The following DSCAML1 variants were observed in gnomAD, a reference collection of about 807,000 sequenced individuals.
DSCAML1 encodes DS cell adhesion molecule like 1, also known as cell adhesion molecule DSCAML1.
A neutral mutation model predicts 200.5 loss-of-function variants in DSCAML1; 38 were observed. That is an observed-to-expected ratio of 0.19 (90% CI 0.15 to 0.25). The LOEUF (loss-of-function observed/expected upper bound fraction) is 0.25, where lower values mean the gene tolerates loss of function less well. DSCAML1 is among the 10% of genes least tolerant of loss of function. The pLI is 1.00. For synonymous variants in DSCAML1, 1,215 were observed against 1,165.0 expected (o/e 1.04, Z -0.87); for missense variants, 2,223 against 2,858.8 (o/e 0.78, Z 5.07).
rs1380014236 is a variant in DSCAML1, at chr11:117,437,295, T to G, written c.4547A>C (p.Glu1516Ala). The stretch of plus-strand genomic sequence containing the variant: ...GGCCCAGGTCCCCTTGGGCCGGTAC[T>G]CCAGAACGATGGCTGTGATAGGGCA... ...GGCPITAIVL[E>A]YRPKGTWAWQ... The change falls in exon 26 of 33, where the codon GAG becomes GCG. Residue 1516 changes from glutamate (E) to alanine (A), a missense_variant. Physicochemically the swap from Glu to Ala is moderately radical, Grantham distance 107. Transcript: ENST00000651296. The surrounding 1 kb of genome is among the most constrained non-coding windows in gnomAD (Gnocchi z 5.3). The G allele has an allele frequency of 6.2e-7, 1 of 1,614,238 alleles. No individual in the cohort carries two copies. Among genetic ancestry groups the G allele is most frequent in the Non-Finnish European group, 8.5e-7 (1 of 1,180,032 alleles).
chr11:117,566,299 C>CCTTT (rs1278637328), intron 3 of DSCAML1, among the ~76,000 whole-genome samples: 1 of 151,848 alleles, frequency 6.6e-6, no homozygotes, highest in East Asian at 1.9e-4. Flanking sequence ...AACCCTACAT[C>CCTTT]CTTTCTTTTC....
chr11:117,755,370 G>C (rs1233710833), intron 3 of DSCAML1, among the ~76,000 whole-genome samples: 1 of 152,176 alleles, frequency 6.6e-6, no homozygotes, highest in Non-Finnish European at 1.5e-5. Flanking sequence ...CAGGCTCCTG[G>C]TTGAGGTGAG....
At chr11:117,707,465 C>T (rs1028484715) in intron 3 of DSCAML1, among the ~76,000 whole-genome samples, 2 of 152,218 alleles carry the variant, frequency 1.3e-5, no homozygotes, top group Non-Finnish European at 2.9e-5. Flanking sequence ...GCCCATTTAG[C>T]CCACCAGGCA....
chr11:117,577,826 C>A (rs1346103757), intron 3 of DSCAML1, among the ~76,000 whole-genome samples: 1 of 151,782 alleles, frequency 6.6e-6, no homozygotes, highest in African/African-American at 2.4e-5. Flanking sequence ...CTCGGTCTAC[C>A]AAAGTGCTGG....
In DSCAML1 at chr11:117,442,160, C is replaced by T. The variant is rs113710681; in HGVS notation, c.3862+1726G>A. ...GCATGTGTGTATGCGTGTGTATATG[C>T]GTATATGCATGTAGTGTGTATAGTG... is the stretch of plus-strand genomic sequence containing the variant. On this transcript the variant is annotated intron_variant, in intron 21 of 32. Transcript: ENST00000651296. Among the ~76,000 whole-genome samples, 621 of 150,768 alleles carry T rather than the reference C, an allele frequency of 4.1e-3. 4 individuals carry two copies. The highest frequency in any genetic ancestry group is 0.014 in the African/African-American group (584 of 40,954).
chr11:117,749,161 C>G (rs1048546438), intron 3 of DSCAML1, among the ~76,000 whole-genome samples: 1 of 152,220 alleles, frequency 6.6e-6, no homozygotes, highest in Non-Finnish European at 1.5e-5. Flanking sequence ...CTCCAGCCCC[C>G]TCTGCCCTGG....
At position 117,518,788 on chromosome 11, in the gene DSCAML1, A is replaced by G. The variant is rs372345785; in HGVS notation, c.1214-26T>C. The G allele has an allele frequency of 1.3e-6, 2 of 1,596,562 alleles. No homozygotes were observed. ...CTGCAGGGAGCGAGAAGCCCCCTTC[A>G]GGGTCACCAAGCCATGGAGAGACGG... On this transcript the variant is annotated intron_variant, in intron 6 of 32. Transcript: ENST00000651296. The surrounding 1 kb of genome is among the most constrained non-coding windows in gnomAD (Gnocchi z 6.3).
chr11:117,709,396 A>G (rs866625786), intron 3 of DSCAML1, among the ~76,000 whole-genome samples: 1 of 152,086 alleles, frequency 6.6e-6, no homozygotes, highest in Non-Finnish European at 1.5e-5. Flanking sequence ...AGTGAGCTCT[A>G]TGGTATCTCT....
chr11:117,793,950 T>C (rs1176518666), intron 1 of DSCAML1, among the ~76,000 whole-genome samples: 14 of 151,812 alleles, frequency 9.2e-5, no homozygotes, highest in Non-Finnish European at 1.5e-5. Context: ...ACTCAGCCCC[T>C]CCCCAGTATT....
intron 11 of DSCAML1, among the ~76,000 whole-genome samples, chr11:117,493,714 A>G (rs2049235221): frequency 6.7e-6 from 1 of 149,302 alleles, no homozygotes; most frequent in Non-Finnish European, 1.5e-5. Context: ...TGCAGCCTCA[A>G]TCTCCCAGGT....
intron 16 of DSCAML1, among the ~76,000 whole-genome samples, chr11:117,467,049 T>C (rs2048593225): frequency 6.6e-6 from 1 of 152,102 alleles, no homozygotes; most frequent in East Asian, 1.9e-4. Context: ...AGAAGGGGGC[T>C]GGTGGGAATG....
chr11:117,632,505 C>G (rs565147423), intron 3 of DSCAML1, among the ~76,000 whole-genome samples: 2 of 152,310 alleles, frequency 1.3e-5, no homozygotes, highest in East Asian at 3.9e-4. Context: ...CCTGGCCCCC[C>G]GCTCATCCTA....
Position 117,469,878 on chromosome 11 carries a change from C to T in DSCAML1, c.3024+32G>A. On this transcript the variant is annotated intron_variant, in intron 16 of 32. Coordinates refer to ENST00000651296, the MANE Select transcript of DSCAML1 (RefSeq NM_020693.4). The surrounding 1 kb of genome is among the most constrained non-coding windows in gnomAD (Gnocchi z 4.1). The stretch of plus-strand genomic sequence containing the variant: ...ATTGAGGAGAGAGGAGGCAAGCAGA[C>T]ATTCCAGGGGAGATGCCTTAGACAC... 1 of 1,558,000 alleles carries T rather than the reference C, an allele frequency of 6.4e-7. No individual in the cohort carries two copies. The highest frequency in any genetic ancestry group is 8.7e-7 in the Non-Finnish European group (1 of 1,145,370).
chr11:117,440,459 G>A (rs1474999488), intron 21 of DSCAML1, among the ~76,000 whole-genome samples: 2 of 151,768 alleles, frequency 1.3e-5, no homozygotes, highest in African/African-American at 4.9e-5. Flanking sequence ...GCACAGACAT[G>A]GAGACCTGAA....
chr11:117,470,092 T>G, intron 15 of DSCAML1, 112 bp from the exon 16 acceptor site: 5 of 937,844 alleles, frequency 5.3e-6, no homozygotes, highest in Non-Finnish European at 7.6e-6. Context: ...GGGAGAAGAC[T>G]AAGCTCAGAT....
chr11:117,577,739 G>T (rs934337583), intron 3 of DSCAML1, among the ~76,000 whole-genome samples: 1 of 151,294 alleles, frequency 6.6e-6, no homozygotes, highest in African/African-American at 2.4e-5. Flanking sequence ...GCTAATTTTT[G>T]TATTTTTAGT....
At chr11:117,670,625 G>A (rs539012678) in intron 3 of DSCAML1, among the ~76,000 whole-genome samples, 1 of 152,288 alleles carries the variant, frequency 6.6e-6, no homozygotes, top group East Asian at 1.9e-4. Flanking sequence ...GCTATTGTCA[G>A]AGGCCACTGT....
chr11:117,449,167 T>C (rs2048235986), intron 20 of DSCAML1, among the ~76,000 whole-genome samples: 1 of 152,086 alleles, frequency 6.6e-6, no homozygotes, highest in Non-Finnish European at 1.5e-5. Context: ...CACTAATCTA[T>C]GCTATTGAGG....
chr11:117,549,145 G>A (rs1036901746), intron 3 of DSCAML1, among the ~76,000 whole-genome samples: 5 of 152,192 alleles, frequency 3.3e-5, no homozygotes, highest in Non-Finnish European at 5.9e-5. Flanking sequence ...TTCCCACTCC[G>A]GGGGTCTACC....
Sources: allele counts gnomAD v4.1 joint callset (sites outside exome capture counted in the v4.1 genomes callset), GRCh38; gene constraint gnomAD v4.1.1; non-coding constraint Gnocchi (gnomAD v3.1); transcripts MANE v1.5; gene names NCBI Gene and HGNC (gene_info 2026-07-23, HGNC 2026-07-21).